The following ATP6V0D2 variants were observed in gnomAD, a reference collection of about 807,000 sequenced individuals.
ATP6V0D2 encodes V-type proton ATPase subunit d 2.
A neutral mutation model predicts 40.0 loss-of-function variants in ATP6V0D2; 40 were observed. The observed-to-expected ratio is 1.00, with a 90% CI of 0.78 to 1.30. The LOEUF (loss-of-function observed/expected upper bound fraction) is 1.30, where lower values mean the gene tolerates loss of function less well. Among genes scored for constraint, ATP6V0D2 ranks in the 50% most tolerant of loss-of-function variants. The pLI, the probability that ATP6V0D2 is intolerant of heterozygous loss-of-function variation, is 0.00. For synonymous variants in ATP6V0D2, 179 were observed against 156.3 expected (o/e 1.15, Z -1.08); for missense variants, 470 against 423.1 (o/e 1.11, Z -0.97).
intron 2 of ATP6V0D2, among the ~76,000 whole-genome samples, chr8:86,136,383 G>T (rs745901270): frequency 2.0e-5 from 3 of 152,096 alleles, no homozygotes; most frequent in Non-Finnish European, 2.9e-5. Flanking sequence ...AGGAATGTTC[G>T]CAGCTCAGAT....
intron 3 of ATP6V0D2, among the ~76,000 whole-genome samples, chr8:86,140,417 C>A (rs1157284545): frequency 6.6e-6 from 1 of 152,112 alleles, no homozygotes; most frequent in Non-Finnish European, 1.5e-5. Flanking sequence ...AATCAGACAA[C>A]CATGAGCATG....
At chr8:86,145,365 G>GAAAA (rs1194795776) in intron 5 of ATP6V0D2, among the ~76,000 whole-genome samples, 2,832 of 72,642 alleles carry the variant, frequency 0.039, 183 homozygotes, top group African/African-American at 0.12. Context: ...AAGGAAGGAA[G>GAAAA]GAAGGAAGGA....
chr8:86,142,519 T>C (rs575710190), intron 4 of ATP6V0D2, among the ~76,000 whole-genome samples: 65 of 152,306 alleles, frequency 4.3e-4, no homozygotes, highest in African/African-American at 1.4e-3. Context: ...AGAGACTAAA[T>C]GTCAGCATAG....
At chr8:86,126,639 T>C (rs1818748923) in intron 2 of ATP6V0D2, among the ~76,000 whole-genome samples, 1 of 151,876 alleles carries the variant, frequency 6.6e-6, no homozygotes, top group African/African-American at 2.4e-5. Context: ...AGAAAATTTA[T>C]TTCACCCCAG....
intron 7 of ATP6V0D2, among the ~76,000 whole-genome samples, chr8:86,152,479 G>T (rs953278484): frequency 6.6e-6 from 1 of 152,188 alleles, no homozygotes; most frequent in Non-Finnish European, 1.5e-5. Flanking sequence ...TCTGGTTCTA[G>T]ATCCTTGAAG....
At chr8:86,119,526 G>T (rs1251146310) in intron 2 of ATP6V0D2, among the ~76,000 whole-genome samples, 1 of 151,980 alleles carries the variant, frequency 6.6e-6, no homozygotes, top group Non-Finnish European at 1.5e-5. Flanking sequence ...ACTGCCCCTG[G>T]CCCTAATCAT....
chr8:86,112,888 A>T (rs1314106395), intron 1 of ATP6V0D2, among the ~76,000 whole-genome samples: 1 of 152,200 alleles, frequency 6.6e-6, no homozygotes, highest in Non-Finnish European at 1.5e-5. Flanking sequence ...CTTCAGTCTC[A>T]TTAGATAACT....
chr8:86,117,918 A>G (rs1818611955), intron 2 of ATP6V0D2, among the ~76,000 whole-genome samples: 1 of 152,088 alleles, frequency 6.6e-6, no homozygotes, highest in Admixed American at 6.6e-5. Context: ...CGCAAACTCC[A>G]GTCAGATTAT....
At position 86,098,921 on chromosome 8, in the gene ATP6V0D2, G is replaced by C; in HGVS notation, c.-58G>C. 4 of 1,569,098 alleles carry C rather than the reference G, an allele frequency of 2.5e-6. No homozygotes were observed. Among genetic ancestry groups the C allele is most frequent in the Non-Finnish European group, 3.5e-6 (4 of 1,157,718 alleles). On this transcript the variant is annotated 5_prime_UTR_variant, in exon 1 of 8. Coordinates refer to ENST00000285393, the MANE Select transcript of ATP6V0D2 (RefSeq NM_152565.1). ...TTTCCCAGGCTAGTGCAAATCTTCAGGGGCCGTCCAGGACTACAGAGCTGT... is the reference window on the plus strand; with the variant it reads ...TTTCCCAGGCTAGTGCAAATCTTCACGGGCCGTCCAGGACTACAGAGCTGT...
chr8:86,115,429 C>T (rs968088612), intron 2 of ATP6V0D2, among the ~76,000 whole-genome samples: 2 of 121,012 alleles, frequency 1.7e-5, no homozygotes. Flanking sequence ...AGTACAATGG[C>T]GTGATCTCGG....
In ATP6V0D2 at chr8:86,113,778, T is replaced by C. The variant is rs938899535; in HGVS notation, c.200T>C (p.Val67Ala). 35 of 1,613,814 alleles carry C rather than the reference T, an allele frequency of 2.2e-5. No homozygotes were observed. The highest frequency in any genetic ancestry group is 2.8e-5 in the Non-Finnish European group (33 of 1,179,894). Residue 67 changes from valine (V) to alanine (A), a missense_variant, in exon 2 of 8, where the codon GTT becomes GCT. Val to Ala is a moderately conservative substitution (Grantham distance 64). Coordinates refer to ENST00000285393, the MANE Select transcript of ATP6V0D2 (RefSeq NM_152565.1). ...GCTAATCACACAAATCCTCTTACTG[T>C]TTCCAAAATTGACACTGAGATGAGG... Reference protein sequence around the residue: ...FLANHTNPLTVSKIDTEMRKR... With the variant: ...FLANHTNPLTASKIDTEMRKR...
chr8:86,140,262 G>A (rs1385377778), intron 3 of ATP6V0D2, among the ~76,000 whole-genome samples: 1 of 152,090 alleles, frequency 6.6e-6, no homozygotes, highest in Non-Finnish European at 1.5e-5. Context: ...AGGAAATCTG[G>A]ATAGTAGCAA....
chr8:86,126,716 G>T (rs1033133111), intron 2 of ATP6V0D2, among the ~76,000 whole-genome samples: 3 of 151,926 alleles, frequency 2.0e-5, no homozygotes, highest in Non-Finnish European at 4.4e-5. Context: ...CAATTGAAAA[G>T]CTTCATGAAA....
At chr8:86,134,543 C>A (rs1192058486) in intron 2 of ATP6V0D2, among the ~76,000 whole-genome samples, 2 of 152,102 alleles carry the variant, frequency 1.3e-5, no homozygotes, top group African/African-American at 4.8e-5. Context: ...AAGGAAAAGA[C>A]ACTTAAAAAG....
At chr8:86,132,238 G>A (rs2626322) in intron 2 of ATP6V0D2, among the ~76,000 whole-genome samples, 126,307 of 152,036 alleles carry the variant, frequency 0.83, 52,575 homozygotes, top group Middle Eastern at 0.88. Flanking sequence ...CATATTTATG[G>A]GGTCCATGCA....
At chr8:86,128,797 T>TATGG (rs1378171865) in intron 2 of ATP6V0D2, among the ~76,000 whole-genome samples, 2 of 152,224 alleles carry the variant, frequency 1.3e-5, no homozygotes, top group African/African-American at 4.8e-5. Flanking sequence ...TAATACGATT[T>TATGG]ATGGTCTTCT....
intron 5 of ATP6V0D2, among the ~76,000 whole-genome samples, chr8:86,149,858 C>T (rs1284156413): frequency 1.3e-5 from 2 of 151,908 alleles, no homozygotes; most frequent in African/African-American, 4.8e-5. Flanking sequence ...GCAGGGTGCC[C>T]GGGAAATAAA....
chr8:86,108,911 T>G (rs769943051), intron 1 of ATP6V0D2, among the ~76,000 whole-genome samples: 3 of 152,228 alleles, frequency 2.0e-5, no homozygotes, highest in Non-Finnish European at 4.4e-5. Flanking sequence ...ATTCACACTA[T>G]GTGATAGACT....
chr8:86,139,636 GTAGGAACACT>G lies in ATP6V0D2; in HGVS notation c.481+6_481+15del, dbSNP rs1818947588. 6.3e-7 allele frequency: 1 copy of G among 1,574,940 alleles called. No individual in the cohort carries two copies. ...GCCATTCTGATCGAAACGCCATTAG[GTAGGAACACT>G]TAGGTAATTTTGTAGCTGCTTGTGT... On this transcript the variant is annotated splice_donor_variant and splice_donor_5th_base_variant and intron_variant, in intron 3 of 7. Transcript: ENST00000285393. LOFTEE classifies it high-confidence loss of function.
Sources: allele counts gnomAD v4.1 joint callset (sites outside exome capture counted in the v4.1 genomes callset), GRCh38; gene constraint gnomAD v4.1.1; transcripts MANE v1.5; gene names NCBI Gene and HGNC (gene_info 2026-07-23, HGNC 2026-07-21).